Variants in DLG2 observed in about 807,000 individuals in gnomAD.
The protein encoded by DLG2 is discs large MAGUK scaffold protein 2.
In DLG2, 45 loss-of-function variants were observed where a neutral mutation model predicts 132.5. That is an observed-to-expected ratio of 0.34 (90% CI 0.27 to 0.44). The LOEUF (loss-of-function observed/expected upper bound fraction) is 0.44. Ranked by LOEUF, DLG2 falls within the 20% of genes least tolerant of loss-of-function variation. The probability of loss-of-function intolerance (pLI) is 1.00; values close to 1 mark genes in which losing one functional copy is unlikely to be tolerated. For synonymous variants in DLG2, 424 were observed against 419.6 expected (o/e 1.01, Z -0.13); for missense variants, 1,045 against 1,196.9 (o/e 0.87, Z 1.87).
chr11:85,354,304 T>C (rs1306241032), intron 3 of DLG2, among the ~76,000 whole-genome samples: 3 of 152,140 alleles, frequency 2.0e-5, no homozygotes, highest in Non-Finnish European at 4.4e-5. Context: ...TTTAAGTATT[T>C]ATTGTCTCCT....
chr11:83,636,933 T>C (rs1020234980), intron 18 of DLG2, among the ~76,000 whole-genome samples: 1 of 152,192 alleles, frequency 6.6e-6, no homozygotes, highest in Admixed American at 6.6e-5. Context: ...GAGGTGCTTA[T>C]CTGTCTCTTT....
chr11:85,048,142 T>C (rs1205670699), intron 6 of DLG2, among the ~76,000 whole-genome samples: 1 of 151,968 alleles, frequency 6.6e-6, no homozygotes, highest in East Asian at 1.9e-4. Flanking sequence ...AGCAATTATT[T>C]CATGATTTTT....
chr11:84,952,219 A>AT (rs1236662276), intron 6 of DLG2, among the ~76,000 whole-genome samples: 1 of 152,208 alleles, frequency 6.6e-6, no homozygotes, highest in Admixed American at 6.5e-5. Context: ...GTGCCCCTCC[A>AT]TTAGCATGAC....
At chr11:85,511,076 C>T (rs1011681358) in intron 3 of DLG2, among the ~76,000 whole-genome samples, 100 of 152,012 alleles carry the variant, frequency 6.6e-4, no homozygotes, top group Admixed American at 1.1e-3. Context: ...TTTGTAGGGA[C>T]ATGGATGAAG....
At position 83,499,852 on chromosome 11, in the gene DLG2, GATATATATATATATATATATATATAT is replaced by G. The variant is rs60890814; in HGVS notation, c.2194-15650_2194-15625del. On this transcript the variant is annotated intron_variant, in intron 21 of 27. Coordinates refer to ENST00000376104, the MANE Select transcript of DLG2 (RefSeq NM_001142699.3). ...ATATATATTTCCTCCACTAATAGGA[GATATATATATATATATATATATATAT>G]ATATATATATATATATATATCAGTT... is the stretch of plus-strand genomic sequence containing the variant. Among the ~76,000 whole-genome samples, 321 of 61,650 alleles carry G rather than the reference GATATATATATATATATATATATATAT, an allele frequency of 5.2e-3. 9 individuals are homozygous for G. The highest frequency in any genetic ancestry group is 0.014 in the African/African-American group (287 of 20,206). 40.4% of individuals were successfully genotyped at this position (61,650 alleles called of 152,430 possible).
At chr11:84,032,354 G>A (rs2095723226) in intron 11 of DLG2, among the ~76,000 whole-genome samples, 1 of 152,172 alleles carries the variant, frequency 6.6e-6, no homozygotes, top group African/African-American at 2.4e-5. Context: ...CTTTATCACT[G>A]ATGTGGAGAA....
At position 85,245,107 on chromosome 11, in the gene DLG2, T is replaced by C. The variant is rs1044690980; in HGVS notation, c.186+40113A>G. 3.9e-5 allele frequency among the ~76,000 whole-genome samples: 6 copies of C among 152,036 alleles called. No individual in the cohort carries two copies. In the East Asian group the frequency reaches 9.7e-4, roughly 25 times the overall value. ...CATTCATTGTGAAATTTCAGAACAC[T>C]ATATTAAAGACAATATTGAAGACTC... is the stretch of plus-strand genomic sequence containing the variant. On this transcript the variant is annotated intron_variant, in intron 4 of 27. Coordinates refer to ENST00000376104, the MANE Select transcript of DLG2 (RefSeq NM_001142699.3).
chr11:85,097,953 T>C (rs666735), intron 6 of DLG2, among the ~76,000 whole-genome samples: 104,419 of 152,098 alleles, frequency 0.69, 36,560 homozygotes, highest in East Asian at 0.95. Context: ...TGACTTAATA[T>C]GTTATGTTTG....
intron 22 of DLG2, among the ~76,000 whole-genome samples, chr11:83,478,583 G>C (rs1327550117): frequency 5.9e-5 from 9 of 151,724 alleles, no homozygotes; most frequent in African/African-American, 1.5e-4. Context: ...AATAATTCTG[G>C]GAAAAATATT....
chr11:85,038,303 CA>C (rs1222187479), intron 6 of DLG2, among the ~76,000 whole-genome samples: 2 of 152,010 alleles, frequency 1.3e-5, no homozygotes, highest in African/African-American at 4.8e-5. Context: ...CACTTAATCC[CA>C]TTTTTTTTCA....
chr11:85,397,347 A>G (rs1488941891), intron 3 of DLG2, among the ~76,000 whole-genome samples: 1 of 152,212 alleles, frequency 6.6e-6, no homozygotes, highest in Admixed American at 6.5e-5. Context: ...AAGAGCATCA[A>G]TGATATGAAG....
chr11:85,093,109 T>G (rs12419757), intron 6 of DLG2, among the ~76,000 whole-genome samples: 1 of 152,202 alleles, frequency 6.6e-6, no homozygotes, highest in Non-Finnish European at 1.5e-5. Flanking sequence ...CGCCCCCTCA[T>G]TGTTCAAGGG....
chr11:83,763,127 G>A (rs1292183133), intron 18 of DLG2, among the ~76,000 whole-genome samples: 1 of 152,100 alleles, frequency 6.6e-6, no homozygotes, highest in Non-Finnish European at 1.5e-5. Flanking sequence ...ATTACATACT[G>A]TTACATCACG....
rs1407963106 is a variant in DLG2 at position 84,432,803 on chromosome 11, G to T, written c.519+101767C>A. On this transcript the variant is annotated intron_variant, in intron 7 of 27. Transcript: ENST00000376104. ...GCACTATGGGAGGCTGAAATGGATT[G>T]CTTGAGTCCAGGAGTTCGAGACCAG... Among the ~76,000 whole-genome samples, 5 of 152,242 alleles carry T rather than the reference G, an allele frequency of 3.3e-5. No homozygotes were observed. In the East Asian group the frequency reaches 7.7e-4, roughly 24 times the overall value.
intron 18 of DLG2, among the ~76,000 whole-genome samples, chr11:83,770,265 G>GTTTTTTTTTTTTTTTTTTTTT (rs71066064): frequency 5.4e-5 from 7 of 128,760 alleles, no homozygotes; most frequent in African/African-American, 9.8e-5. Context: ...GTTTTTTTTT[G>GTTTTTTTTTTTTTTTTTTTTT]TTTTTTTGCT....
intron 6 of DLG2, chr11:84,955,827 G>A (rs1012935432): frequency 6.6e-6 from 1 of 152,134 alleles, no homozygotes; most frequent in African/African-American, 2.4e-5. Flanking sequence ...ATACTGATGA[G>A]GAAATAACTT....
chr11:83,959,998 G>C lies in DLG2; in HGVS notation c.1340+2887C>G, dbSNP rs139825686. On this transcript the variant is annotated intron_variant, in intron 14 of 27. Coordinates refer to ENST00000376104, the MANE Select transcript of DLG2 (RefSeq NM_001142699.3). ...TAGGGTGCATAGGAGAGAAGGAACA[G>C]GAATATAAAGATGATCCAAAGGTAG... 3.7e-3 allele frequency among the ~76,000 whole-genome samples: 556 copies of C among 151,800 alleles called. 2 individuals are homozygous for C. Among genetic ancestry groups the C allele is most frequent in the African/African-American group, 0.012 (495 of 41,314 alleles).
At chr11:83,765,860 T>A (rs2094120559) in intron 18 of DLG2, among the ~76,000 whole-genome samples, 1 of 152,186 alleles carries the variant, frequency 6.6e-6, no homozygotes, top group African/African-American at 2.4e-5. Context: ...GCTACCCAAA[T>A]ATACTCAATA....
chr11:84,988,144 C>T (rs117678549), intron 6 of DLG2, among the ~76,000 whole-genome samples: 2,466 of 152,238 alleles, frequency 0.016, 36 homozygotes, highest in Admixed American at 0.039. Flanking sequence ...GGAAAAAATG[C>T]TCAACGTCAC....
Sources: allele counts gnomAD v4.1 joint callset (sites outside exome capture counted in the v4.1 genomes callset), GRCh38; gene constraint gnomAD v4.1.1; transcripts MANE v1.5; gene names NCBI Gene and HGNC (gene_info 2026-07-23, HGNC 2026-07-21).